TMEM132D: variants seen among roughly 807,000 people sequenced by gnomAD.
The protein encoded by TMEM132D is mature OL transmembrane protein.
TMEM132D carries 21 observed loss-of-function variants against 62.3 expected under a neutral mutation model. That is an observed-to-expected ratio of 0.34 (90% CI 0.24 to 0.49). TMEM132D has a LOEUF of 0.49. Ranked by LOEUF, TMEM132D falls within the 20% of genes least tolerant of loss-of-function variation. TMEM132D has a pLI of 0.99. For synonymous variants in TMEM132D, 621 were observed against 575.6 expected, an observed-to-expected ratio of 1.08 and a Z score of -1.13; for missense variants, 1,346 against 1,402.8, an observed-to-expected ratio of 0.96 and a Z score of 0.65.
At chr12:129,673,545 G>GA (rs1880556515) in intron 2 of TMEM132D, among the ~76,000 whole-genome samples, 2 of 152,144 alleles carry the variant, frequency 1.3e-5, no homozygotes, top group Admixed American at 1.3e-4. Context: ...CCGGGACTGA[G>GA]AAAAAACTAG....
intron 2 of TMEM132D, among the ~76,000 whole-genome samples, chr12:129,645,998 G>T (rs1593103218): frequency 1.3e-5 from 2 of 152,156 alleles, no homozygotes; most frequent in African/African-American, 4.8e-5. Context: ...CAGTCAAGAT[G>T]CAACCATATA....
At chr12:129,318,279 A>G (rs998109140) in intron 4 of TMEM132D, among the ~76,000 whole-genome samples, 11 of 152,156 alleles carry the variant, frequency 7.2e-5, no homozygotes, top group African/African-American at 2.4e-4. Context: ...AAGCTCTGTT[A>G]GAGGGAAGGT....
At chr12:129,870,932 T>C (rs902684142) in intron 1 of TMEM132D, among the ~76,000 whole-genome samples, 14 of 152,064 alleles carry the variant, frequency 9.2e-5, no homozygotes, top group Admixed American at 5.2e-4. Context: ...CAGAATTGCA[T>C]TGAATCGCAG....
chr12:129,432,150 GA>G (rs1872671884), intron 3 of TMEM132D, among the ~76,000 whole-genome samples: 1 of 146,156 alleles, frequency 6.8e-6, no homozygotes, highest in African/African-American at 2.6e-5. Flanking sequence ...TGGATGGATG[GA>G]TGGATGCTTG....
At chr12:129,583,013 T>C (rs760853713) in intron 2 of TMEM132D, among the ~76,000 whole-genome samples, 2 of 152,032 alleles carry the variant, frequency 1.3e-5, no homozygotes, top group East Asian at 3.9e-4. Flanking sequence ...CACTGCAATA[T>C]TGGCCAGACT....
chr12:129,180,770 C>T (rs1449726236), intron 5 of TMEM132D, among the ~76,000 whole-genome samples: 4 of 114,674 alleles, frequency 3.5e-5, no homozygotes, highest in Non-Finnish European at 5.9e-5. Context: ...ACTCACTTCC[C>T]TTGTCTTCTC....
chr12:129,737,234 GC>G (rs1869455480), intron 1 of TMEM132D, among the ~76,000 whole-genome samples: 1 of 152,170 alleles, frequency 6.6e-6, no homozygotes, highest in Non-Finnish European at 1.5e-5. Flanking sequence ...ACTCACAAAT[GC>G]CACCAGCCCA....
intron 3 of TMEM132D, among the ~76,000 whole-genome samples, chr12:129,513,862 G>T (rs1395352068): frequency 7.1e-6 from 1 of 140,226 alleles, no homozygotes; most frequent in Admixed American, 7.4e-5. Flanking sequence ...TTTTGAGACG[G>T]AGTCTCGCTC....
At chr12:129,401,411 T>C (rs1411946130) in intron 3 of TMEM132D, among the ~76,000 whole-genome samples, 1 of 151,836 alleles carries the variant, frequency 6.6e-6, no homozygotes, top group Non-Finnish European at 1.5e-5. Flanking sequence ...TACAAAAGGT[T>C]TTAAAAAATT....
chr12:129,723,198 G>A (rs896507467), intron 1 of TMEM132D, among the ~76,000 whole-genome samples: 6 of 152,144 alleles, frequency 3.9e-5, no homozygotes, highest in East Asian at 3.8e-4. Flanking sequence ...TTACAGTTTC[G>A]TGCTAATATG....
At chr12:129,534,561 T>C (rs1876326707) in intron 2 of TMEM132D, among the ~76,000 whole-genome samples, 1 of 152,160 alleles carries the variant, frequency 6.6e-6, no homozygotes, top group Non-Finnish European at 1.5e-5. Context: ...TGCGCAATTG[T>C]TGCTTTTGCT....
intron 2 of TMEM132D, among the ~76,000 whole-genome samples, chr12:129,622,000 C>T (rs1879084806): frequency 6.6e-6 from 1 of 152,194 alleles, no homozygotes. Flanking sequence ...GAAGGTTGTG[C>T]TCCTCTCTGG....
chr12:129,813,335 T>C (rs189649321), intron 1 of TMEM132D, among the ~76,000 whole-genome samples: 15 of 151,824 alleles, frequency 9.9e-5, no homozygotes, highest in Non-Finnish European at 1.8e-4. Context: ...CAAACATAAA[T>C]AAGACCATCC....
chr12:129,232,157 T>C (rs1345954086), intron 4 of TMEM132D, among the ~76,000 whole-genome samples: 1 of 152,172 alleles, frequency 6.6e-6, no homozygotes, highest in Non-Finnish European at 1.5e-5. Context: ...GCTAAAAATC[T>C]TCCCACGATA....
rs182008618 is a variant in TMEM132D at position 129,537,273 on chromosome 12, A to T, written c.969-6068T>A. Among the ~76,000 whole-genome samples, 7 of 152,340 alleles carry T rather than the reference A, an allele frequency of 4.6e-5. No individual in the cohort carries two copies. The East Asian group carries it at 1.3e-3, about 29-fold the overall frequency. Reference sequence around the variant, plus strand: ...TAATGTGTGCTACAAAACATACATGAAAATGCACATTTTAAACCTTGAGAC... The same window carrying T: ...TAATGTGTGCTACAAAACATACATGTAAATGCACATTTTAAACCTTGAGAC... On this transcript the variant is annotated intron_variant, in intron 2 of 8. Coordinates refer to ENST00000422113, the MANE Select transcript of TMEM132D (RefSeq NM_133448.3).
In TMEM132D at chr12:129,749,625, T is replaced by A. The variant is rs561421024; in HGVS notation, c.80-48927A>T. On this transcript the variant is annotated intron_variant, in intron 1 of 8. Coordinates refer to ENST00000422113, the MANE Select transcript of TMEM132D (RefSeq NM_133448.3). ...GTATGAGCCACCATGCCCCACTAAT[T>A]TTTTTTTGTGTGTACTTTTAGTAGA... is the stretch of plus-strand genomic sequence containing the variant. 3.8e-4 allele frequency among the ~76,000 whole-genome samples: 58 copies of A among 151,294 alleles called. 2 individuals are homozygous for A. In the South Asian group the frequency reaches 0.012, roughly 31 times the overall value.
chr12:129,087,606 C>G (rs1301153669), intron 5 of TMEM132D, among the ~76,000 whole-genome samples: 1 of 152,024 alleles, frequency 6.6e-6, no homozygotes, highest in African/African-American at 2.4e-5. Flanking sequence ...AGGAAGGAGG[C>G]AACTCTGGGT....
chr12:129,512,976 C>T (rs1361663518), intron 3 of TMEM132D, among the ~76,000 whole-genome samples: 1 of 152,152 alleles, frequency 6.6e-6, no homozygotes, highest in East Asian at 1.9e-4. Flanking sequence ...GCAGGAGTGT[C>T]GAAGAATTTC....
intron 5 of TMEM132D, among the ~76,000 whole-genome samples, chr12:129,104,172 T>C (rs1359893697): frequency 6.6e-6 from 1 of 150,714 alleles, no homozygotes; most frequent in Non-Finnish European, 1.5e-5. Flanking sequence ...CAAAACAGCA[T>C]GGTACTGGTA....
Sources: allele counts gnomAD v4.1 joint callset (sites outside exome capture counted in the v4.1 genomes callset), GRCh38; gene constraint gnomAD v4.1.1; transcripts MANE v1.5; gene names NCBI Gene and HGNC (gene_info 2026-07-23, HGNC 2026-07-21).